SSUH2: variants seen among roughly 807,000 people sequenced by gnomAD.
SSUH2 encodes protein SSUH2 homolog.
In SSUH2, 47 loss-of-function variants were observed where a neutral mutation model predicts 55.3. That is an observed-to-expected ratio of 0.85 (90% CI 0.67 to 1.08). SSUH2 has a LOEUF of 1.08. Among genes scored for constraint, SSUH2 ranks in the 50% least tolerant of loss-of-function variants. SSUH2 has a pLI of 0.00. For missense variants in SSUH2, 535 were observed against 490.7 expected (o/e 1.09, Z -0.85); for synonymous variants, 212 against 191.5 (o/e 1.11, Z -0.89).
In SSUH2 at chr3:8,635,759, T is replaced by G. The variant is rs891245065; in HGVS notation, c.127A>C (p.Arg43=). The G allele has an allele frequency of 2.0e-6, 3 of 1,535,368 alleles. No homozygotes were observed. The East Asian group carries it at 7.3e-5, about 38-fold the overall frequency. Residue 43 remains arginine (R), a splice_region_variant and synonymous_variant, in exon 2 of 12, where the codon AGA becomes CGA. Coordinates refer to ENST00000544814, the MANE Select transcript of SSUH2 (RefSeq NM_001256748.3). ...AGAACCAAGCCCTCTTGGAACTTAC[T>G]GCCCCCTTGAAGAAGCCAGTCATAG... ...PSYDWLLQGG[R]GQIFFPPLEA...
chr3:8,651,584 T>C (rs562124784), intron 7 of SSUH2, among the ~76,000 whole-genome samples: 51 of 152,264 alleles, frequency 3.3e-4, no homozygotes, highest in African/African-American at 1.2e-3. Flanking sequence ...TCGTGTATTT[T>C]TTTCACATGT....
Position 8,654,544 on chromosome 3 carries a change from T to TC in SSUH2, c.-307+4380_-307+4381insG, listed in dbSNP as rs1470443361. ...TGTGGTTTAAAGATAGCCTTGTACT[T>TC]ATGTCTACACATGTGTGTGTGTTTC... On this transcript the variant is annotated intron_variant, in intron 7 of 18. Coordinates refer to the SSUH2 transcript ENST00000317371. Among the ~76,000 whole-genome samples, 4 of 152,364 alleles carry TC rather than the reference T, an allele frequency of 2.6e-5. No individual in the cohort carries two copies. The East Asian group carries it at 5.8e-4, about 22-fold the overall frequency.
chr3:8,628,859 G>C (rs899510726), intron 7 of SSUH2, among the ~76,000 whole-genome samples: 2 of 152,126 alleles, frequency 1.3e-5, no homozygotes, highest in Non-Finnish European at 2.9e-5. Context: ...GCTGTTGTTT[G>C]TTTTTTGTTT....
chr3:8,676,194 T>G (rs1705238178), intron 3 of SSUH2, among the ~76,000 whole-genome samples: 2 of 151,972 alleles, frequency 1.3e-5, no homozygotes, highest in African/African-American at 4.8e-5. Flanking sequence ...ATGAACTGTT[T>G]CACAGACGGG....
chr3:8,633,476 T>C (rs1473589176), intron 4 of SSUH2, among the ~76,000 whole-genome samples, 190 bp downstream of exon 4: 1 of 152,174 alleles, frequency 6.6e-6, no homozygotes, highest in Non-Finnish European at 1.5e-5. Context: ...TTGTTCTTTT[T>C]ATTATCACTC....
chr3:8,634,551 G>A (rs577068872), intron 3 of SSUH2: 1 of 1,289,768 alleles, frequency 7.8e-7, no homozygotes, highest in African/African-American at 1.5e-5. Flanking sequence ...GCACACAGAG[G>A]GGCCCGTCTG....
At chr3:8,633,036 T>G (rs1699124053) in intron 4 of SSUH2, among the ~76,000 whole-genome samples, 1 of 152,234 alleles carries the variant, frequency 6.6e-6, no homozygotes, top group African/African-American at 2.4e-5. Context: ...CCAGTGACAG[T>G]GATGCTACCG....
intron 5 of SSUH2, among the ~76,000 whole-genome samples, chr3:8,664,899 G>C (rs567485755): frequency 7.9e-5 from 12 of 152,324 alleles, no homozygotes; most frequent in Non-Finnish European, 1.8e-4. Context: ...CCCGATTCCT[G>C]CAAGTTATTT....
chr3:8,625,493 C>G, intron 10 of SSUH2, 49 bp downstream of exon 10: 2 of 1,196,600 alleles, frequency 1.7e-6, no homozygotes, highest in Non-Finnish European at 2.5e-6. Flanking sequence ...CCCACGAGAG[C>G]AGAGGAGGAA....
chr3:8,636,264 G>A (rs1699910883), intron 1 of SSUH2, among the ~76,000 whole-genome samples: 1 of 152,170 alleles, frequency 6.6e-6, no homozygotes, highest in Middle Eastern at 3.2e-3. Context: ...GCCTCATGGA[G>A]CATTTGTTTT....
In SSUH2 at chr3:8,625,629, C is replaced by G. The variant is rs780217380; in HGVS notation, c.786G>C (p.Glu262Asp). 2 of 1,613,466 alleles carry G rather than the reference C, an allele frequency of 1.2e-6. No homozygotes were observed. Among genetic ancestry groups the G allele is most frequent in the Admixed American group, 3.3e-5 (2 of 59,988 alleles). Residue 262 changes from glutamate (E) to aspartate (D), a missense_variant, in exon 10 of 12, where the codon GAG becomes GAC. Coordinates refer to ENST00000544814, the MANE Select transcript of SSUH2 (RefSeq NM_001256748.3). ...LVIMWKNSLF[E>D]FVSEHRLNCP... ...AGTTGAGCCGGTGCTCAGACACAAA[C>G]TCAAACAAGCTGTTCTTCCTGGAGG...
At chr3:8,657,517 T>G (rs1436852480) in intron 7 of SSUH2, among the ~76,000 whole-genome samples, 1 of 151,870 alleles carries the variant, frequency 6.6e-6, no homozygotes, top group Non-Finnish European at 1.5e-5. Context: ...TCATAGACAG[T>G]GGGTACGACA....
At chr3:8,681,720 C>A (rs1318785518) in intron 1 of SSUH2, among the ~76,000 whole-genome samples, 1 of 151,346 alleles carries the variant, frequency 6.6e-6, no homozygotes, top group Non-Finnish European at 1.5e-5. Context: ...CGGGGGGAGG[C>A]ACCCCCTGGG....
intron 1 of SSUH2, among the ~76,000 whole-genome samples, chr3:8,636,688 C>T (rs1227051474): frequency 1.3e-5 from 2 of 152,256 alleles, no homozygotes; most frequent in East Asian, 1.9e-4. Context: ...CCTTCCTTCC[C>T]TCTCTCCCTT....
At chr3:8,641,484 C>G (rs1700834032) in intron 1 of SSUH2, among the ~76,000 whole-genome samples, 1 of 152,188 alleles carries the variant, frequency 6.6e-6, no homozygotes, top group Non-Finnish European at 1.5e-5. Flanking sequence ...ACTCTGGAAA[C>G]TGATTCAGGA....
intron 5 of SSUH2, among the ~76,000 whole-genome samples, chr3:8,664,882 G>A (rs962960526): frequency 2.6e-5 from 4 of 152,220 alleles, no homozygotes; most frequent in Non-Finnish European, 5.9e-5. Context: ...TCTCAAGAAA[G>A]GCATCTCCCG....
Position 8,679,363 on chromosome 3 carries a change from AT to A in SSUH2, c.-901+341del, listed in dbSNP as rs1209259726. 2.0e-4 allele frequency among the ~76,000 whole-genome samples: 16 copies of A among 80,968 alleles called. 2 individuals carry two copies. Among genetic ancestry groups the A allele is most frequent in the East Asian group, 1.1e-3 (2 of 1,812 alleles). The allele number at this position is 80,968 out of a possible 152,430, so 53.1% of individuals were successfully genotyped here. On this transcript the variant is annotated intron_variant, in intron 2 of 18. Transcript: ENST00000317371. The stretch of plus-strand genomic sequence containing the variant: ...CCCTTGCTCTTCCGACCCCCATCGC[AT>A]TGGCGGGAGGCATCCCCCAGGAGGA...
At chr3:8,681,273 A>G in intron 1 of SSUH2, among the ~76,000 whole-genome samples, 1 of 141,010 alleles carries the variant, frequency 7.1e-6, no homozygotes, top group African/African-American at 2.7e-5. Context: ...GCAGGGACTG[A>G]CAGCCAGCCC....
intron 1 of SSUH2, among the ~76,000 whole-genome samples, chr3:8,681,340 G>A (rs1162382277): frequency 1.4e-5 from 2 of 144,144 alleles, no homozygotes; most frequent in African/African-American, 5.2e-5. Context: ...ACCCCCCGCG[G>A]CTCGGGGACT....
Sources: gnomAD v4.1 joint callset for allele counts (sites outside exome capture counted in the v4.1 genomes callset) on GRCh38, gnomAD v4.1.1 for gene constraint, MANE v1.5 for transcripts, NCBI Gene and HGNC (gene_info 2026-07-23, HGNC 2026-07-21) for gene names.